DNM3: variants seen among roughly 807,000 people sequenced by gnomAD.
DNM3 encodes the protein dynamin 3.
A neutral mutation model predicts 101.6 loss-of-function variants in DNM3; 47 were observed. The observed-to-expected ratio is 0.46, with a 90% CI of 0.37 to 0.59. The LOEUF is 0.59. Ranked by LOEUF, DNM3 falls within the 20% of genes least tolerant of loss-of-function variation. DNM3 has a pLI of 0.00. For synonymous variants in DNM3, 385 were observed against 387.9 expected (o/e 0.99, Z 0.09); for missense variants, 849 against 1,085.7 (o/e 0.78, Z 3.06).
At chr1:171,918,887 A>G (rs1248935496) in intron 1 of DNM3, among the ~76,000 whole-genome samples, 1 of 152,234 alleles carries the variant, frequency 6.6e-6, no homozygotes, top group Non-Finnish European at 1.5e-5. Flanking sequence ...TACTAAATCT[A>G]CATATAAATA....
At position 171,854,815 on chromosome 1, in the gene DNM3, C is replaced by G. The variant is rs192938352; in HGVS notation, c.161+12998C>G. Among the ~76,000 whole-genome samples the G allele has an allele frequency of 3.0e-3, 451 of 152,000 alleles. 4 individuals carry two copies. Among genetic ancestry groups the G allele is most frequent in the African/African-American group, 9.9e-3 (412 of 41,442 alleles). ...CTCCTGACCTCAGGTGATTCGCCAG[C>G]CTCCACCTCCCAAAGTGCTGGGATT... On this transcript the variant is annotated intron_variant, in intron 1 of 20. Transcript: ENST00000627582.
At chr1:171,896,543 T>G (rs1417730124) in intron 1 of DNM3, among the ~76,000 whole-genome samples, 1 of 152,186 alleles carries the variant, frequency 6.6e-6, no homozygotes, top group Non-Finnish European at 1.5e-5. Flanking sequence ...TTAAGGAGAT[T>G]TTGGGCTGAC....
At chr1:172,056,313 G>A (rs1232554365) in intron 10 of DNM3, among the ~76,000 whole-genome samples, 2 of 152,202 alleles carry the variant, frequency 1.3e-5, no homozygotes, top group Admixed American at 6.5e-5. Flanking sequence ...CAAAGCAGCA[G>A]GGAAGCTCGA....
intron 1 of DNM3, among the ~76,000 whole-genome samples, chr1:171,869,380 C>T (rs1226855187): frequency 6.6e-6 from 1 of 152,186 alleles, no homozygotes; most frequent in African/African-American, 2.4e-5. Context: ...GTTCAAATTT[C>T]TCCAAGATCT....
At chr1:171,980,395 T>A (rs2044700181) in intron 2 of DNM3, among the ~76,000 whole-genome samples, 1 of 152,168 alleles carries the variant, frequency 6.6e-6, no homozygotes, top group Non-Finnish European at 1.5e-5. Context: ...TGTGTAATGA[T>A]CAAATTAGGG....
intron 2 of DNM3, among the ~76,000 whole-genome samples, chr1:171,944,391 T>G (rs1170911726): frequency 6.6e-6 from 1 of 151,756 alleles, no homozygotes; most frequent in Non-Finnish European, 1.5e-5. Flanking sequence ...ATTTGTTTAT[T>G]TATAGATGGG....
intron 1 of DNM3, among the ~76,000 whole-genome samples, chr1:171,890,178 CA>C (rs1342004871): frequency 1.3e-5 from 2 of 152,158 alleles, no homozygotes; most frequent in Non-Finnish European, 2.9e-5. Flanking sequence ...TATCTGTTCT[CA>C]AACAGTGTGG....
At chr1:172,169,563 C>T (rs374612128) in intron 14 of DNM3, among the ~76,000 whole-genome samples, 1 of 151,824 alleles carries the variant, frequency 6.6e-6, no homozygotes, top group Non-Finnish European at 1.5e-5. Context: ...TCAAATTGCC[C>T]TTAAAAATAT....
intron 15 of DNM3, among the ~76,000 whole-genome samples, chr1:172,267,487 C>T (rs549407818): frequency 6.6e-5 from 10 of 151,868 alleles, no homozygotes; most frequent in South Asian, 4.2e-4. Flanking sequence ...GTAATAACCT[C>T]GGTAATATAC....
chr1:172,283,833 A>G (rs1422970656), intron 15 of DNM3, among the ~76,000 whole-genome samples: 2 of 150,036 alleles, frequency 1.3e-5, no homozygotes, highest in African/African-American at 2.4e-5. Context: ...GAGATGTAAG[A>G]GGGTTATATT....
Position 172,046,423 on chromosome 1 carries a change from G to A in DNM3, c.1196+1971G>A, listed in dbSNP as rs536733279. ...ACTGTTGTTGGGTGGGAGTAGGGGG[G>A]AGGGATAGCATTAGGAGATATACCT... On this transcript the variant is annotated intron_variant, in intron 9 of 20. Transcript: ENST00000627582. 7.2e-5 allele frequency among the ~76,000 whole-genome samples: 11 copies of A among 152,194 alleles called. No homozygotes were observed. In the South Asian group the frequency reaches 2.3e-3, roughly 32 times the overall value.
intron 14 of DNM3, among the ~76,000 whole-genome samples, chr1:172,251,457 CCTTT>C (rs1403565274): frequency 1.3e-5 from 2 of 151,160 alleles, no homozygotes; most frequent in Non-Finnish European, 3.0e-5. Flanking sequence ...TTTTCTTCTT[CCTTT>C]GTCAGTCTTC....
At chr1:172,333,941 T>C (rs1041798401) in intron 17 of DNM3, among the ~76,000 whole-genome samples, 4 of 152,196 alleles carry the variant, frequency 2.6e-5, no homozygotes, top group African/African-American at 9.6e-5. Flanking sequence ...AATTAGCCAT[T>C]AGTCTCATAA....
intron 4 of DNM3, among the ~76,000 whole-genome samples, chr1:172,000,671 C>T (rs1558400700): frequency 1.3e-5 from 2 of 152,042 alleles, no homozygotes; most frequent in Admixed American, 1.3e-4. Flanking sequence ...TTTTATGTTT[C>T]ACCCAATGGA....
rs531821938 is a variant in DNM3, at chr1:172,304,328, T to A, written c.1770-4400T>A. Among the ~76,000 whole-genome samples the A allele has an allele frequency of 3.6e-3, 538 of 151,046 alleles. 2 individuals are homozygous for A. The highest frequency in any genetic ancestry group is 0.012 in the African/African-American group (508 of 40,932). On this transcript the variant is annotated intron_variant, in intron 15 of 20. Coordinates refer to ENST00000627582, the MANE Select transcript of DNM3 (RefSeq NM_015569.5). The stretch of plus-strand genomic sequence containing the variant: ...ATGGTAAAGGGATCAATTCAACAAG[T>A]AGAGCTAACTATCCTAAATATATAT...
intron 1 of DNM3, among the ~76,000 whole-genome samples, chr1:171,895,108 G>A (rs2037663015): frequency 6.6e-6 from 1 of 152,206 alleles, no homozygotes; most frequent in Non-Finnish European, 1.5e-5. Flanking sequence ...ACGTGTGCAT[G>A]TGTCTTTATA....
At chr1:172,170,605 G>C (rs981750338) in intron 14 of DNM3, among the ~76,000 whole-genome samples, 5 of 151,872 alleles carry the variant, frequency 3.3e-5, no homozygotes, top group Non-Finnish European at 7.4e-5. Flanking sequence ...TATTACAATT[G>C]TTTGTTAATG....
intron 10 of DNM3, among the ~76,000 whole-genome samples, chr1:172,056,420 C>A (rs939528099): frequency 2.6e-5 from 4 of 152,330 alleles, no homozygotes; most frequent in Admixed American, 6.5e-5. Flanking sequence ...ACAGCAGTAA[C>A]CTCTGCAGAC....
chr1:172,234,241 C>A (rs10911348), intron 14 of DNM3, among the ~76,000 whole-genome samples: 9,106 of 152,174 alleles, frequency 0.06, 319 homozygotes, highest in East Asian at 0.099. Flanking sequence ...TTCTTACACA[C>A]CAATAACAGA....
Sources: gnomAD v4.1 joint callset for allele counts (sites outside exome capture counted in the v4.1 genomes callset) on GRCh38, gnomAD v4.1.1 for gene constraint, MANE v1.5 for transcripts, NCBI Gene and HGNC (gene_info 2026-07-23, HGNC 2026-07-21) for gene names.